Variants in CHCHD3 observed in about 807,000 individuals in gnomAD.
CHCHD3 encodes the protein MICOS complex subunit MIC19.
In CHCHD3, 20 loss-of-function variants were observed where a neutral mutation model predicts 38.2. The observed-to-expected ratio is 0.52, with a 90% CI of 0.37 to 0.76. The LOEUF (loss-of-function observed/expected upper bound fraction) is 0.76, where lower values mean the gene tolerates loss of function less well. Ranked by LOEUF, CHCHD3 falls within the 30% of genes least tolerant of loss-of-function variation. CHCHD3 has a pLI of 0.00. For missense variants in CHCHD3, 245 were observed against 279.2 expected (o/e 0.88, Z 0.87); for synonymous variants, 82 against 100.0 (o/e 0.82, Z 1.07).
intron 5 of CHCHD3, among the ~76,000 whole-genome samples, chr7:132,869,595 A>G (rs187856368): frequency 2.6e-5 from 4 of 152,196 alleles, no homozygotes; most frequent in South Asian, 2.1e-4. Flanking sequence ...ACCCTCCATG[A>G]CTTGCTTTAG....
chr7:132,912,803 C>T (rs1333872566), intron 4 of CHCHD3, among the ~76,000 whole-genome samples: 1 of 152,264 alleles, frequency 6.6e-6, no homozygotes, highest in Non-Finnish European at 1.5e-5. Context: ...GATCCACCCT[C>T]CTTGGCCTTC....
intron 2 of CHCHD3, among the ~76,000 whole-genome samples, chr7:133,029,003 A>G (rs2117450969): frequency 6.6e-6 from 1 of 152,260 alleles, no homozygotes; most frequent in South Asian, 2.1e-4. Flanking sequence ...CCCCACCAGT[A>G]AGAAGACCCA....
intron 4 of CHCHD3, among the ~76,000 whole-genome samples, chr7:132,888,059 T>C (rs1033834260): frequency 6.6e-6 from 1 of 151,612 alleles, no homozygotes; most frequent in Non-Finnish European, 1.5e-5. Flanking sequence ...ATGAAATATG[T>C]ACTCAAAGTA....
intron 1 of CHCHD3, among the ~76,000 whole-genome samples, chr7:133,076,327 A>G (rs1584690626): frequency 1.3e-5 from 2 of 152,278 alleles, no homozygotes; most frequent in East Asian, 1.9e-4. Flanking sequence ...CCGTGGGTCA[A>G]TTACTCAACT....
At chr7:132,865,769 G>A (rs888291116) in intron 5 of CHCHD3, among the ~76,000 whole-genome samples, 1 of 152,108 alleles carries the variant, frequency 6.6e-6, no homozygotes, top group African/African-American at 2.4e-5. Flanking sequence ...CTATTTATTG[G>A]GTAGCAAGAG....
chr7:133,012,887 C>T (rs905288110), intron 3 of CHCHD3, among the ~76,000 whole-genome samples: 2 of 149,990 alleles, frequency 1.3e-5, no homozygotes, highest in Non-Finnish European at 3.0e-5. Context: ...CTTCAATAAC[C>T]GACATCAAAA....
At chr7:132,884,248 C>T (rs1425964865) in intron 5 of CHCHD3, among the ~76,000 whole-genome samples, 1 of 152,132 alleles carries the variant, frequency 6.6e-6, no homozygotes, top group Non-Finnish European at 1.5e-5. Context: ...TAGGCCTCTT[C>T]CCAAATGTCA....
chr7:132,893,043 G>T (rs1809406085), intron 4 of CHCHD3, among the ~76,000 whole-genome samples: 1 of 152,210 alleles, frequency 6.6e-6, no homozygotes, highest in Non-Finnish European at 1.5e-5. Context: ...TGTGAGAAGA[G>T]GGCCACTGTC....
intron 3 of CHCHD3, among the ~76,000 whole-genome samples, chr7:132,984,913 C>T (rs1812052936): frequency 2.1e-5 from 2 of 94,164 alleles, no homozygotes; most frequent in African/African-American, 4.0e-5. Context: ...GGGTCAGCCC[C>T]CCGCCCGGCC....
chr7:132,876,535 C>G (rs913356551), intron 5 of CHCHD3, among the ~76,000 whole-genome samples: 1 of 152,114 alleles, frequency 6.6e-6, no homozygotes, highest in African/African-American at 2.4e-5. Context: ...TATTGTGTAG[C>G]CTTTCAAAAG....
At chr7:132,791,884 C>G (rs1283835486) in intron 7 of CHCHD3, among the ~76,000 whole-genome samples, 1 of 152,182 alleles carries the variant, frequency 6.6e-6, no homozygotes, top group African/African-American at 2.4e-5. Context: ...CTCACTGTGG[C>G]CAGGTTCCTT....
rs562682832 is a variant in CHCHD3 at position 133,064,060 on chromosome 7, C to T, written c.169+6082G>A. 1.6e-4 allele frequency among the ~76,000 whole-genome samples: 24 copies of T among 152,352 alleles called. No individual in the cohort carries two copies. In the South Asian group the frequency reaches 3.3e-3, roughly 21 times the overall value. On this transcript the variant is annotated intron_variant, in intron 2 of 7. Coordinates refer to ENST00000262570, the MANE Select transcript of CHCHD3 (RefSeq NM_017812.4). ...CATACCTCTTATACATTCTATCTCA[C>T]TCACATGTTGATTCACCTTCTCAAA...
chr7:132,919,135 G>A (rs1418650250), intron 4 of CHCHD3, among the ~76,000 whole-genome samples: 1 of 113,096 alleles, frequency 8.8e-6, no homozygotes, highest in Non-Finnish European at 1.6e-5. Context: ...TTGAGACGGA[G>A]TCTTGCTCTG....
At chr7:132,929,448 T>G (rs1810465763) in intron 4 of CHCHD3, among the ~76,000 whole-genome samples, 2 of 152,202 alleles carry the variant, frequency 1.3e-5, no homozygotes, top group Admixed American at 1.3e-4. Context: ...TGCCCTTGTC[T>G]TCTTTCTTCT....
rs1810241169 is a variant in CHCHD3 at position 132,920,808 on chromosome 7, T to C, written c.370-35063A>G. The stretch of plus-strand genomic sequence containing the variant: ...TTTATATGCATCTGTATTTTTTAAG[T>C]AGTCTCAGATCAAAGAAAAAAACTA... On this transcript the variant is annotated intron_variant, in intron 4 of 7. Coordinates refer to ENST00000262570, the MANE Select transcript of CHCHD3 (RefSeq NM_017812.4). 4.0e-5 allele frequency among the ~76,000 whole-genome samples: 6 copies of C among 151,872 alleles called. No homozygotes were observed. In the South Asian group the frequency reaches 1.3e-3, roughly 32 times the overall value.
chr7:132,785,997 A>G lies in CHCHD3; in HGVS notation c.661-337T>C, dbSNP rs115571570. 6.0e-3 allele frequency among the ~76,000 whole-genome samples: 914 copies of G among 152,246 alleles called. 14 individuals are homozygous for G. Among genetic ancestry groups the G allele is most frequent in the African/African-American group, 0.021 (879 of 41,548 alleles). Reference sequence around the variant, plus strand: ...GCTTGAAATCAGCCTGGGCAACACAATGAAACCCAATCTCTACCAAAAACA... The same window carrying G: ...GCTTGAAATCAGCCTGGGCAACACAGTGAAACCCAATCTCTACCAAAAACA... On this transcript the variant is annotated intron_variant, in intron 7 of 7. Coordinates refer to ENST00000262570, the MANE Select transcript of CHCHD3 (RefSeq NM_017812.4).
In CHCHD3 at chr7:133,035,936, A is replaced by G. The variant is rs746564700; in HGVS notation, c.170-11309T>C. The G allele has an allele frequency of 1.3e-6, 2 of 1,537,354 alleles. No individual in the cohort carries two copies. Among genetic ancestry groups the G allele is most frequent in the African/African-American group, 2.7e-5 (2 of 73,370 alleles). On this transcript the variant is annotated intron_variant, in intron 2 of 7. Coordinates refer to ENST00000262570, the MANE Select transcript of CHCHD3 (RefSeq NM_017812.4). This position sits in a 1 kb window ranked among gnomAD's most constrained non-coding sequence, Gnocchi z 4.7. The stretch of plus-strand genomic sequence containing the variant: ...CAGCCGCCATGGTGATTCCGCAAAG[A>G]AAGGCTGGATCCAGTCTTAAAAGTG...
chr7:132,797,114 C>A (rs1806640362), intron 6 of CHCHD3, among the ~76,000 whole-genome samples: 1 of 152,184 alleles, frequency 6.6e-6, no homozygotes, highest in African/African-American at 2.4e-5. Context: ...CTTTTCCCAG[C>A]ACTTTCTACA....
chr7:132,925,566 C>T (rs1585643529), intron 4 of CHCHD3, among the ~76,000 whole-genome samples: 2 of 152,180 alleles, frequency 1.3e-5, no homozygotes, highest in Admixed American at 6.5e-5. Context: ...ACCTTCAGGA[C>T]AGTAATGTAA....
Sources: gnomAD v4.1 joint callset for allele counts (sites outside exome capture counted in the v4.1 genomes callset) on GRCh38, gnomAD v4.1.1 for gene constraint, Gnocchi (gnomAD v3.1) non-coding constraint, MANE v1.5 for transcripts, NCBI Gene and HGNC (gene_info 2026-07-23, HGNC 2026-07-21) for gene names.